The following BAIAP2L1 variants were observed in gnomAD, a reference collection of about 807,000 sequenced individuals.
BAIAP2L1 encodes the protein BAR/IMD domain-containing adapter protein 2-like 1.
A neutral mutation model predicts 66.3 loss-of-function variants in BAIAP2L1; 35 were observed. The ratio of observed to expected loss-of-function variants is 0.53; its 90% CI spans 0.40 to 0.70. The LOEUF is 0.70. Ranked by LOEUF, BAIAP2L1 falls within the 30% of genes least tolerant of loss-of-function variation. BAIAP2L1 has a pLI of 0.00. For missense variants in BAIAP2L1, 622 were observed against 656.9 expected (o/e 0.95, Z 0.58); for synonymous variants, 269 against 248.7 (o/e 1.08, Z -0.77).
intron 3 of BAIAP2L1, among the ~76,000 whole-genome samples, chr7:98,322,061 A>C (rs1028541316): frequency 6.6e-6 from 1 of 152,048 alleles, no homozygotes; most frequent in Non-Finnish European, 1.5e-5. Flanking sequence ...GCGCCACTGC[A>C]CTCCAGCCTG....
intron 1 of BAIAP2L1, chr7:98,386,663 G>T: frequency 1.2e-6 from 1 of 826,978 alleles, no homozygotes; most frequent in South Asian, 1.5e-5. Context: ...GTCTCTCATC[G>T]ACTTCTCTCC....
At chr7:98,376,587 GAGGC>G in intron 1 of BAIAP2L1, among the ~76,000 whole-genome samples, 1 of 150,722 alleles carries the variant, frequency 6.6e-6, no homozygotes, top group South Asian at 2.1e-4. Context: ...TTGGGAGGCC[GAGGC>G]AGGCAGAACA....
intron 5 of BAIAP2L1, 30 bp downstream of exon 5, chr7:98,320,028 G>T: frequency 6.3e-7 from 1 of 1,585,396 alleles, no homozygotes. Context: ...GCAGCCCAAG[G>T]CTGGGGCTGG....
In BAIAP2L1 at chr7:98,312,162, T is replaced by C; in HGVS notation, c.742A>G (p.Thr248Ala). The change falls in exon 8 of 14, where the codon ACC (threonine) becomes GCC (alanine). Residue 248 changes from threonine (T) to alanine (A), a missense_variant. Thr to Ala is a moderately conservative substitution (Grantham distance 58). Transcript: ENST00000005260. ...CCAGACACGGGGGTAGAGGCTGGGG[T>C]CTTTATTTCTTCGATCATATTCATG... The part of the protein sequence containing the change: ...KIMNMIEEIK[T>A]PASTPVSGTP... 1 of 1,612,818 alleles carries C rather than the reference T, an allele frequency of 6.2e-7. No individual in the cohort carries two copies. Among genetic ancestry groups the C allele is most frequent in the African/African-American group, 1.3e-5 (1 of 74,794 alleles).
intron 12 of BAIAP2L1, among the ~76,000 whole-genome samples, chr7:98,301,712 G>A (rs759422736): frequency 7.9e-5 from 12 of 152,142 alleles, no homozygotes; most frequent in Non-Finnish European, 1.6e-4. Context: ...GGGGGTTAGA[G>A]GGAGGGTGGT....
At chr7:98,345,849 C>T (rs1006726284) in intron 3 of BAIAP2L1, among the ~76,000 whole-genome samples, 13 of 150,824 alleles carry the variant, frequency 8.6e-5, no homozygotes, top group South Asian at 4.2e-4. Context: ...GAGATGTGAA[C>T]GAAAGCCAAA....
At chr7:98,312,008 C>A in intron 8 of BAIAP2L1, 89 bp downstream of exon 8, 1 of 1,330,644 alleles carries the variant, frequency 7.5e-7, no homozygotes, top group South Asian at 1.4e-5. Context: ...TAAAGGGGGA[C>A]CTGTGATTCC....
In BAIAP2L1 at chr7:98,303,021, G is replaced by A. The variant is rs1800491610; in HGVS notation, c.1422+1175C>T. The stretch of plus-strand genomic sequence containing the variant: ...TTTGGTCTAAAACTCCTGGGCTCAA[G>A]TGATCCTCCTGCCTTGGCCTCCCAA... On this transcript the variant is annotated intron_variant, in intron 12 of 13. Transcript: ENST00000005260. 1.3e-5 allele frequency among the ~76,000 whole-genome samples: 2 copies of A among 152,286 alleles called. 1 individual carries two copies. The highest frequency in any genetic ancestry group is 2.9e-5 in the Non-Finnish European group (2 of 68,018).
At chr7:98,322,933 G>A (rs911959237) in intron 3 of BAIAP2L1, 1 of 152,222 alleles carries the variant, frequency 6.6e-6, no homozygotes, top group Admixed American at 6.6e-5. Flanking sequence ...GACAAGGTGG[G>A]GTCAGAGGCT....
intron 12 of BAIAP2L1, among the ~76,000 whole-genome samples, chr7:98,298,681 A>G (rs1800292066): frequency 1.3e-5 from 2 of 152,204 alleles, no homozygotes; most frequent in South Asian, 4.1e-4. Flanking sequence ...GGCCTGGGAT[A>G]TAACACAGCT....
chr7:98,395,607 CACA>C (rs773117387), intron 1 of BAIAP2L1, among the ~76,000 whole-genome samples: 3 of 152,006 alleles, frequency 2.0e-5, no homozygotes, highest in Non-Finnish European at 4.4e-5. Context: ...TATACTTAAG[CACA>C]ACTTTATGTA....
chr7:98,315,345 C>G (rs1422967611), intron 7 of BAIAP2L1, 115 bp downstream of exon 7: 2 of 1,058,760 alleles, frequency 1.9e-6, no homozygotes, highest in Admixed American at 3.2e-5. Flanking sequence ...CCAGGCCCAC[C>G]TCAGCCTCCC....
At chr7:98,397,449 C>T (rs530970129) in intron 1 of BAIAP2L1, among the ~76,000 whole-genome samples, 33 of 151,622 alleles carry the variant, frequency 2.2e-4, no homozygotes, top group Admixed American at 1.2e-3. Context: ...CTCAGCCTCC[C>T]GAGTAGCTGG....
Position 98,377,846 on chromosome 7 carries a change from G to T in BAIAP2L1, c.52-15414C>A, listed in dbSNP as rs550231880. Among the ~76,000 whole-genome samples the T allele has an allele frequency of 1.7e-4, 15 of 86,342 alleles. No homozygotes were observed. The South Asian group carries it at 6.1e-3, about 35-fold the overall frequency. The allele number at this position is 86,342 out of a possible 152,430, so 56.6% of individuals were successfully genotyped here. A position where few individuals can be genotyped will look rare whatever the true frequency, so the allele number is the denominator to read the frequency against. On this transcript the variant is annotated intron_variant, in intron 1 of 13. Transcript: ENST00000005260. ...AAAAAAAAAAAAAAAAAAAAAAAAA[G>T]GCCAGGTGTGGTGGCTCACACCTGT...
At chr7:98,331,774 A>C (rs1247400380) in intron 3 of BAIAP2L1, among the ~76,000 whole-genome samples, 1 of 152,020 alleles carries the variant, frequency 6.6e-6, no homozygotes, top group Non-Finnish European at 1.5e-5. Flanking sequence ...TAGCCAAGAA[A>C]AATCTTAAAA....
At chr7:98,295,895 C>T (rs1020688197) in intron 12 of BAIAP2L1, among the ~76,000 whole-genome samples, 3 of 152,176 alleles carry the variant, frequency 2.0e-5, no homozygotes, top group Admixed American at 6.5e-5. Flanking sequence ...GGAAAAAGAA[C>T]GCTTAAGATG....
At position 98,306,450 on chromosome 7, in the gene BAIAP2L1, C is replaced by T. The variant is rs754822606; in HGVS notation, c.1230G>A (p.Val410=). 1.2e-5 allele frequency: 20 copies of T among 1,614,082 alleles called. No individual in the cohort carries two copies. The Admixed American group carries it at 2.5e-4, about 20-fold the overall frequency. Residue 410 remains valine (V), a synonymous_variant, in exon 11 of 14, where the codon GTG becomes GTA. Transcript: ENST00000005260. ...LEENETEAVT[V]PTPSPTPVRS... ...ACGTTCAGGGCTACCTTGGCGTGGG[C>T]ACGGTCACTGCTTCTGTCTCATTTT...
intron 1 of BAIAP2L1, among the ~76,000 whole-genome samples, chr7:98,371,797 CTTT>C (rs201576582): frequency 2.9e-5 from 4 of 140,212 alleles, no homozygotes; most frequent in East Asian, 2.0e-4. Context: ...CTTTTAGTTT[CTTT>C]TTTTTTTTTT....
chr7:98,312,025 C>T, intron 8 of BAIAP2L1, 72 bp downstream of exon 8: 2 of 1,473,348 alleles, frequency 1.4e-6, no homozygotes, highest in Non-Finnish European at 1.8e-6. Context: ...TTCCCACCAA[C>T]ACAGGCAAAT....
Sources: gnomAD v4.1 joint callset for allele counts (sites outside exome capture counted in the v4.1 genomes callset) on GRCh38, gnomAD v4.1.1 for gene constraint, MANE v1.5 for transcripts, NCBI Gene and HGNC (gene_info 2026-07-23, HGNC 2026-07-21) for gene names.